EYS: variants seen among roughly 807,000 people sequenced by gnomAD.
The protein encoded by EYS is EGF-like photoreceptor maintenance factor.
A neutral mutation model predicts 282.1 loss-of-function variants in EYS; 250 were observed. That is an observed-to-expected ratio of 0.89 (90% confidence interval 0.80 to 0.98). The LOEUF is 0.98. Among genes scored for constraint, EYS ranks in the 50% least tolerant of loss-of-function variants. The probability of loss-of-function intolerance (pLI) is 0.00; values close to 1 mark genes in which losing one functional copy is unlikely to be tolerated. For synonymous variants in EYS, 1,355 were observed against 1,282.9 expected (o/e 1.06, Z -1.20); for missense variants, 4,016 against 3,709.0 (o/e 1.08, Z -2.15).
chr6:63,733,712 T>C (rs982204485), intron 41 of EYS, among the ~76,000 whole-genome samples: 1 of 152,182 alleles, frequency 6.6e-6, no homozygotes, highest in African/African-American at 2.4e-5. Flanking sequence ...CTCAATTCTA[T>C]GAACCTCAGT....
chr6:64,713,768 G>A (rs914407511), intron 22 of EYS, among the ~76,000 whole-genome samples: 14 of 152,086 alleles, frequency 9.2e-5, no homozygotes, highest in African/African-American at 3.4e-4. Flanking sequence ...TAATATATAT[G>A]TTAAATAATG....
chr6:65,103,108 T>A (rs1379641247), intron 12 of EYS, among the ~76,000 whole-genome samples: 1 of 151,400 alleles, frequency 6.6e-6, no homozygotes. Context: ...TGGCCTCTCA[T>A]CCTAGCTGAC....
At chr6:64,161,994 AGATGTTGATAGGATAGG>A (rs759284308) in intron 31 of EYS, among the ~76,000 whole-genome samples, 2 of 152,132 alleles carry the variant, frequency 1.3e-5, no homozygotes, top group Non-Finnish European at 2.9e-5. Context: ...AATTTCCAGA[AGATGTTGATAGGATAGG>A]GATAGGTTTA....
chr6:64,749,004 C>A (rs977921604), intron 22 of EYS, among the ~76,000 whole-genome samples: 1 of 152,200 alleles, frequency 6.6e-6, no homozygotes, highest in Non-Finnish European at 1.5e-5. Context: ...AACTCCTGAC[C>A]TCAGGTGATC....
At chr6:65,324,850 A>G (rs2350694) in intron 11 of EYS, among the ~76,000 whole-genome samples, 3 of 152,198 alleles carry the variant, frequency 2.0e-5, no homozygotes, top group Non-Finnish European at 4.4e-5. Context: ...AGCCAAAGGA[A>G]CTGTTTCCTC....
intron 22 of EYS, chr6:64,728,703 C>T (rs148245656): frequency 0.012 from 1,777 of 152,424 alleles, 23 homozygotes; most frequent in Non-Finnish European, 0.02. Context: ...AGTGGGCCCC[C>T]TGCCTTTTCA....
intron 26 of EYS, among the ~76,000 whole-genome samples, chr6:64,529,196 T>C (rs1582857029): frequency 6.6e-6 from 1 of 152,086 alleles, no homozygotes; most frequent in Non-Finnish European, 1.5e-5. Context: ...CTTTGTGTCC[T>C]ACTCATGTAC....
intron 29 of EYS, among the ~76,000 whole-genome samples, chr6:64,331,869 G>C (rs1770658980): frequency 6.6e-6 from 1 of 152,198 alleles, no homozygotes; most frequent in Non-Finnish European, 1.5e-5. Flanking sequence ...ACATGCTAGT[G>C]TTTGCCTTCA....
intron 26 of EYS, among the ~76,000 whole-genome samples, chr6:64,476,893 A>G (rs1776288278): frequency 6.6e-6 from 1 of 152,162 alleles, no homozygotes. Flanking sequence ...GATGTTGTTT[A>G]GGGAAGTTAT....
At chr6:64,808,529 C>G (rs1764503631) in intron 22 of EYS, among the ~76,000 whole-genome samples, 1 of 152,016 alleles carries the variant, frequency 6.6e-6, no homozygotes, top group Non-Finnish European at 1.5e-5. Context: ...AAAATAAATT[C>G]CTAACAGGTT....
At chr6:64,518,788 CT>C (rs1026865050) in intron 26 of EYS, among the ~76,000 whole-genome samples, 2 of 151,062 alleles carry the variant, frequency 1.3e-5, no homozygotes, top group African/African-American at 4.8e-5. Context: ...GGGCCCCCCC[CT>C]TCTCAGGGAA....
At chr6:64,964,320 A>C (rs16896095) in intron 14 of EYS, among the ~76,000 whole-genome samples, 3,743 of 152,214 alleles carry the variant, frequency 0.025, 155 homozygotes, top group African/African-American at 0.084. Flanking sequence ...GTTTTCATAC[A>C]ATATTCTTTA....
In EYS at chr6:64,085,325, TGCGC is replaced by T. The variant is rs1772111340; in HGVS notation, c.6425-3327_6425-3324del. Among the ~76,000 whole-genome samples the T allele has an allele frequency of 6.1e-5, 5 of 81,916 alleles. No homozygotes were observed. The South Asian group carries it at 1.5e-3, about 24-fold the overall frequency. The allele number at this position is 81,916 out of a possible 152,430, so 53.7% of individuals were successfully genotyped here. On this transcript the variant is annotated intron_variant, in intron 31 of 42. Coordinates refer to ENST00000503581, the MANE Select transcript of EYS (RefSeq NM_001142800.2). ...CCTTCTCCTTCCAGACGCGCGCGCG[TGCGC>T]ACGTGCGCGCGCACACACACACACA... is the stretch of plus-strand genomic sequence containing the variant.
intron 24 of EYS, among the ~76,000 whole-genome samples, chr6:64,593,692 T>C (rs1766481032): frequency 6.6e-6 from 1 of 152,208 alleles, no homozygotes; most frequent in Non-Finnish European, 1.5e-5. Context: ...CAAATTTAGT[T>C]GGAAGCTAAT....
rs924290457 is a variant in EYS, at chr6:64,469,907, A to C, written c.5645-30555T>G. 2.6e-5 allele frequency among the ~76,000 whole-genome samples: 4 copies of C among 152,256 alleles called. No homozygotes were observed. The East Asian group carries it at 7.7e-4, about 29-fold the overall frequency. On this transcript the variant is annotated intron_variant, in intron 26 of 42. Coordinates refer to ENST00000503581, the MANE Select transcript of EYS (RefSeq NM_001142800.2). ...CTGCCTTTTAGATAATAGTAGCAAA[A>C]TTAGTGAAAGTACTAAAAGTCTCTG...
intron 22 of EYS, among the ~76,000 whole-genome samples, chr6:64,767,217 T>C (rs1328767256): frequency 6.6e-6 from 1 of 152,134 alleles, no homozygotes; most frequent in Non-Finnish European, 1.5e-5. Context: ...TATATAGTGA[T>C]CACATCAGGG....
chr6:64,017,777 C>A (rs1487577083), intron 33 of EYS, among the ~76,000 whole-genome samples: 2 of 152,206 alleles, frequency 1.3e-5, no homozygotes, highest in Non-Finnish European at 2.9e-5. Context: ...TGAGAACAGT[C>A]AATATGCTCG....
chr6:64,200,325 A>G (rs1050952853), intron 31 of EYS, among the ~76,000 whole-genome samples: 1 of 152,164 alleles, frequency 6.6e-6, no homozygotes, highest in Admixed American at 6.5e-5. Context: ...AATATAAAGT[A>G]TCTACTTTAG....
intron 30 of EYS, among the ~76,000 whole-genome samples, chr6:64,264,242 C>T (rs1767683050): frequency 6.6e-6 from 1 of 152,128 alleles, no homozygotes; most frequent in African/African-American, 2.4e-5. Flanking sequence ...CTCCAAAACA[C>T]CACACTTTTA....
Sources: allele counts gnomAD v4.1 joint callset (sites outside exome capture counted in the v4.1 genomes callset), GRCh38; gene constraint gnomAD v4.1.1; transcripts MANE v1.5; gene names NCBI Gene and HGNC (gene_info 2026-07-23, HGNC 2026-07-21).